The following CAST variants were observed in gnomAD, a reference collection of about 807,000 sequenced individuals.
The protein encoded by CAST is MIR583 host.
In CAST, 76 loss-of-function variants were observed where a neutral mutation model predicts 119.6. The ratio of observed to expected loss-of-function variants is 0.64; its 90% CI spans 0.53 to 0.77. The LOEUF (loss-of-function observed/expected upper bound fraction) is 0.77, where lower values mean the gene tolerates loss of function less well. CAST is among the 30% of genes least tolerant of loss of function. The pLI is 0.00. For synonymous variants in CAST, 319 were observed against 331.6 expected (o/e 0.96, Z 0.41); for missense variants, 953 against 946.5 (o/e 1.01, Z -0.09).
chr5:96,047,077 C>T, the CAST span, among the ~76,000 whole-genome samples: 2 of 152,120 alleles, frequency 1.3e-5, no homozygotes, highest in African/African-American at 4.8e-5. Context: ...TAGCATAAGA[C>T]TTTTAAAAAA....
At chr5:96,575,177 T>A (rs996600830) in intron 1 of CAST, among the ~76,000 whole-genome samples, 11 of 152,224 alleles carry the variant, frequency 7.2e-5, no homozygotes, top group African/African-American at 2.4e-4. Flanking sequence ...GGAATTGCAA[T>A]GGTATTGTAT....
At chr5:96,518,942 T>G in the CAST span, among the ~76,000 whole-genome samples, 1 of 151,330 alleles carries the variant, frequency 6.6e-6, no homozygotes, top group Non-Finnish European at 1.5e-5. Flanking sequence ...GAGAATTGCT[T>G]AAACCCGGGA....
chr5:96,392,650 ATTGATATCCCAGG>A, the CAST span: 1 of 230,270 alleles, frequency 4.3e-6, no homozygotes, highest in Non-Finnish European at 8.5e-6. Context: ...TTTCAAATTA[ATTGATATCCCAGG>A]TTTTGCCTTT....
chr5:96,024,485 C>G, the CAST span, among the ~76,000 whole-genome samples: 1 of 152,146 alleles, frequency 6.6e-6, no homozygotes, highest in Non-Finnish European at 1.5e-5. Context: ...CCTTCCTTGG[C>G]CCCTCTCAAC....
At chr5:96,686,990 A>G (rs1161511063) in intron 2 of CAST, among the ~76,000 whole-genome samples, 1 of 152,168 alleles carries the variant, frequency 6.6e-6, no homozygotes, top group South Asian at 2.1e-4. Flanking sequence ...ATTGCATTCT[A>G]TTATAGTTAT....
chr5:96,709,034 G>C (rs1755576825), intron 3 of CAST, among the ~76,000 whole-genome samples: 1 of 152,188 alleles, frequency 6.6e-6, no homozygotes, highest in African/African-American at 2.4e-5. Flanking sequence ...TTAGTACGTT[G>C]CTGCCTGTGG....
At chr5:96,754,303 G>A (rs1765806848) in intron 21 of CAST, 142 bp downstream of exon 21, 1 of 670,272 alleles carries the variant, frequency 1.5e-6, no homozygotes, top group Admixed American at 2.3e-5. Context: ...TGCATATCCT[G>A]TTTAATAAGC....
chr5:96,508,947 G>T, the CAST span, among the ~76,000 whole-genome samples: 1 of 152,152 alleles, frequency 6.6e-6, no homozygotes, highest in Non-Finnish European at 1.5e-5. Flanking sequence ...TTGTAAAGAG[G>T]AATTTAGAAT....
At chr5:96,732,862 A>G (rs1760839225) in intron 9 of CAST, among the ~76,000 whole-genome samples, 1 of 152,232 alleles carries the variant, frequency 6.6e-6, no homozygotes, top group African/African-American at 2.4e-5. Context: ...CATGTAATCA[A>G]TTTGAAGCCA....
At chr5:96,008,043 G>A in the CAST span, among the ~76,000 whole-genome samples, 53 of 151,560 alleles carry the variant, frequency 3.5e-4, no homozygotes, top group Non-Finnish European at 7.4e-4. Context: ...CCAGAAAGAG[G>A]GCCTTCACCA....
At chr5:96,156,085 C>G in the CAST span, among the ~76,000 whole-genome samples, 2 of 152,172 alleles carry the variant, frequency 1.3e-5, no homozygotes, top group South Asian at 2.1e-4. Context: ...AACGTGGGAG[C>G]CTTCCAGAAT....
At chr5:96,764,196 CTAA>C (rs899823550) in intron 25 of CAST, among the ~76,000 whole-genome samples, 3 of 152,070 alleles carry the variant, frequency 2.0e-5, no homozygotes, top group Non-Finnish European at 4.4e-5. Context: ...TATAATAATA[CTAA>C]TAATAATTTA....
At chr5:96,239,522 C>A in the CAST span, among the ~76,000 whole-genome samples, 1 of 151,874 alleles carries the variant, frequency 6.6e-6, no homozygotes, top group African/African-American at 2.4e-5. Context: ...TTTCTACCTG[C>A]ATGCATGTAG....
the CAST span, among the ~76,000 whole-genome samples, chr5:96,141,513 T>C: frequency 4.6e-5 from 7 of 152,240 alleles, no homozygotes; most frequent in African/African-American, 1.4e-4. Context: ...CATTCCTCTT[T>C]ACTTATTCCC....
At chr5:95,994,742 T>C in the CAST span, among the ~76,000 whole-genome samples, 1 of 152,268 alleles carries the variant, frequency 6.6e-6, no homozygotes, top group Non-Finnish European at 1.5e-5. Context: ...TTCAAGATAA[T>C]TATTGCAGTT....
the CAST span, among the ~76,000 whole-genome samples, chr5:96,037,269 G>A: frequency 4.6e-5 from 7 of 152,114 alleles, no homozygotes; most frequent in Admixed American, 1.3e-4. Flanking sequence ...CTACCATGAC[G>A]CTGGGAAACA....
intron 20 of CAST, among the ~76,000 whole-genome samples, chr5:96,751,418 A>G (rs886475529): frequency 1.2e-4 from 18 of 152,176 alleles, no homozygotes; most frequent in African/African-American, 4.3e-4. Context: ...TGTCCTGATC[A>G]TCTTCCTGTA....
At chr5:96,615,887 A>G (rs1409636100) in intron 1 of CAST, among the ~76,000 whole-genome samples, 1 of 152,156 alleles carries the variant, frequency 6.6e-6, no homozygotes, top group East Asian at 1.9e-4. Context: ...AAGGTCCTAC[A>G]ATCGGCCATC....
intron 3 of CAST, among the ~76,000 whole-genome samples, chr5:96,701,805 C>CAAAAAA (rs1259689905): frequency 0.015 from 1,866 of 123,534 alleles, 39 homozygotes; most frequent in African/African-American, 0.054. Context: ...AATCCCACCT[C>CAAAAAA]AAAAAAAAAA....
Sources: allele counts gnomAD v4.1 joint callset (sites outside exome capture counted in the v4.1 genomes callset), GRCh38; gene constraint gnomAD v4.1.1; transcripts MANE v1.5; gene names NCBI Gene and HGNC (gene_info 2026-07-23, HGNC 2026-07-21).